Variants in COL19A1 observed in about 807,000 individuals in gnomAD.
COL19A1 encodes the protein collagen alpha-1(XIX) chain.
COL19A1 carries 159 observed loss-of-function variants against 190.2 expected under a neutral mutation model. The observed-to-expected ratio is 0.84, with a 90% CI of 0.73 to 0.95. COL19A1 has a LOEUF of 0.95. Ranked by LOEUF, COL19A1 falls within the 40% of genes least tolerant of loss-of-function variation. The pLI is 0.00. For missense variants in COL19A1, 1,418 were observed against 1,431.9 expected, an observed-to-expected ratio of 0.99 and a Z score of 0.16; for synonymous variants, 509 against 458.9, an observed-to-expected ratio of 1.11 and a Z score of -1.39.
At position 69,932,757 on chromosome 6, in the gene COL19A1, G is replaced by T. The variant is rs201356477; in HGVS notation, c.667-26G>T. On this transcript the variant is annotated intron_variant, in intron 6 of 50. Transcript: ENST00000620364. ...AATGTGATTCCAAAAAACTAAAGAT[G>T]TTTCTTATTACTAATTTTTTCATAG... The T allele has an allele frequency of 3.8e-5, 54 of 1,427,978 alleles. No homozygotes were observed. In the East Asian group the frequency reaches 1.3e-3, roughly 33 times the overall value. The allele number at this position is 1,427,978 out of a possible 1,614,324, so 88.5% of individuals were successfully genotyped here. A position where few individuals can be genotyped will look rare whatever the true frequency, so the allele number is the denominator to read the frequency against.
intron 4 of COL19A1, among the ~76,000 whole-genome samples, chr6:69,921,072 CAT>C (rs1465205278): frequency 1.1e-4 from 7 of 62,120 alleles, no homozygotes; most frequent in East Asian, 6.5e-4. Context: ...TATTCATAGA[CAT>C]ATCATATATA....
At chr6:70,030,274 A>G (rs1778980347) in intron 12 of COL19A1, among the ~76,000 whole-genome samples, 1 of 152,152 alleles carries the variant, frequency 6.6e-6, no homozygotes, top group South Asian at 2.1e-4. Flanking sequence ...AACTGGGATT[A>G]ATTTGTTGGA....
intron 18 of COL19A1, among the ~76,000 whole-genome samples, chr6:70,135,331 A>G (rs1434341758): frequency 6.6e-6 from 1 of 152,100 alleles, no homozygotes; most frequent in East Asian, 1.9e-4. Flanking sequence ...GTTAACCTTC[A>G]GTCTCTCTCC....
At chr6:70,065,429 C>A (rs1215804963) in intron 14 of COL19A1, among the ~76,000 whole-genome samples, 2 of 152,190 alleles carry the variant, frequency 1.3e-5, no homozygotes, top group African/African-American at 4.8e-5. Context: ...AACTGGGTCC[C>A]TTCCTTACAC....
At chr6:69,909,465 TA>T (rs1770765154) in intron 4 of COL19A1, among the ~76,000 whole-genome samples, 5 of 152,004 alleles carry the variant, frequency 3.3e-5, no homozygotes, top group East Asian at 1.9e-4. Context: ...TTTGGGATGA[TA>T]AAAAAATATC....
intron 1 of COL19A1, among the ~76,000 whole-genome samples, chr6:69,868,200 G>GGA (rs1554150771): frequency 2.1e-5 from 3 of 142,954 alleles, no homozygotes; most frequent in Non-Finnish European, 3.1e-5. Context: ...AGACTAAAGG[G>GGA]AAAAAAAAAA....
intron 17 of COL19A1, among the ~76,000 whole-genome samples, chr6:70,129,900 G>A (rs1785418180): frequency 6.6e-6 from 1 of 152,186 alleles, no homozygotes; most frequent in Non-Finnish European, 1.5e-5. Context: ...ATTTGGAGTA[G>A]TGAGTATTTA....
At chr6:69,926,442 A>G (rs912011747) in intron 4 of COL19A1, among the ~76,000 whole-genome samples, 3 of 152,162 alleles carry the variant, frequency 2.0e-5, no homozygotes, top group African/African-American at 7.2e-5. Flanking sequence ...GAGAATATCA[A>G]TAAGTAGAAA....
intron 15 of COL19A1, among the ~76,000 whole-genome samples, chr6:70,095,658 A>G (rs1483086765): frequency 1.3e-5 from 2 of 151,982 alleles, no homozygotes; most frequent in Non-Finnish European, 2.9e-5. Flanking sequence ...CAAAACTGAA[A>G]CTCTATAAAC....
At chr6:69,894,434 C>T (rs1038624454) in intron 2 of COL19A1, among the ~76,000 whole-genome samples, 4 of 152,354 alleles carry the variant, frequency 2.6e-5, no homozygotes, top group Middle Eastern at 3.4e-3. Flanking sequence ...ATCTGATCTG[C>T]AGTTTACCAA....
chr6:70,068,883 C>T (rs1234772929), intron 15 of COL19A1, among the ~76,000 whole-genome samples: 3 of 152,012 alleles, frequency 2.0e-5, no homozygotes, highest in Admixed American at 2.0e-4. Flanking sequence ...CATAACTCTC[C>T]TTTCATTGCC....
At chr6:70,198,659 A>C (rs929208488) in intron 48 of COL19A1, among the ~76,000 whole-genome samples, 12 of 152,248 alleles carry the variant, frequency 7.9e-5, no homozygotes, top group Non-Finnish European at 8.8e-5. Context: ...AATTTCATAT[A>C]GTAGTAAAAT....
intron 44 of COL19A1, among the ~76,000 whole-genome samples, chr6:70,183,706 G>A (rs1766324918): frequency 1.3e-5 from 2 of 152,300 alleles, no homozygotes; most frequent in South Asian, 4.1e-4. Context: ...CTATGGTTGG[G>A]TTGTCAACTG....
intron 11 of COL19A1, among the ~76,000 whole-genome samples, chr6:70,020,982 G>A (rs530878919): frequency 1.3e-5 from 2 of 152,070 alleles, no homozygotes; most frequent in Admixed American, 1.3e-4. Flanking sequence ...ACCCTGAAGG[G>A]CATTTTAAGA....
At chr6:70,064,245 C>T (rs567873155) in intron 14 of COL19A1, among the ~76,000 whole-genome samples, 1 of 152,070 alleles carries the variant, frequency 6.6e-6, no homozygotes, top group African/African-American at 2.4e-5. Context: ...ACTGGAAAAC[C>T]GAATCCAGCA....
chr6:69,977,636 T>C (rs1775797419), intron 11 of COL19A1, among the ~76,000 whole-genome samples: 1 of 152,168 alleles, frequency 6.6e-6, no homozygotes, highest in Non-Finnish European at 1.5e-5. Context: ...AATTAAACTT[T>C]TTGCTTGGCA....
chr6:70,076,674 A>G (rs1781901223), intron 15 of COL19A1, among the ~76,000 whole-genome samples: 1 of 152,190 alleles, frequency 6.6e-6, no homozygotes, highest in African/African-American at 2.4e-5. Flanking sequence ...TATCTGTTTT[A>G]TCATAACTTA....
At chr6:70,126,763 G>T (rs1356443215) in intron 17 of COL19A1, among the ~76,000 whole-genome samples, 3 of 152,200 alleles carry the variant, frequency 2.0e-5, no homozygotes, top group African/African-American at 7.2e-5. Flanking sequence ...CAAGATGAAG[G>T]CGTTGTCAGG....
chr6:70,062,586 A>C (rs566930654), intron 14 of COL19A1, among the ~76,000 whole-genome samples: 3 of 152,272 alleles, frequency 2.0e-5, no homozygotes, highest in Non-Finnish European at 2.9e-5. Flanking sequence ...CGAGCAAAAT[A>C]ACCAGCTAAC....
Sources: gnomAD v4.1 joint callset for allele counts (sites outside exome capture counted in the v4.1 genomes callset) on GRCh38, gnomAD v4.1.1 for gene constraint, MANE v1.5 for transcripts, NCBI Gene and HGNC (gene_info 2026-07-23, HGNC 2026-07-21) for gene names.